The following RNF215 variants were observed in gnomAD, a reference collection of about 807,000 sequenced individuals.
RNF215 encodes ring finger protein 215.
Under a neutral mutation model 44.8 loss-of-function variants are expected in RNF215, and 41 were observed. That is an observed-to-expected ratio of 0.92 (90% CI 0.71 to 1.19). The LOEUF is 1.19. Among genes scored for constraint, RNF215 ranks in the 50% most tolerant of loss-of-function variants. The pLI, the probability that RNF215 is intolerant of heterozygous loss-of-function variation, is 0.00. For missense variants in RNF215, 452 were observed against 496.2 expected, an observed-to-expected ratio of 0.91 and a Z score of 0.85; for synonymous variants, 218 against 230.1, an observed-to-expected ratio of 0.95 and a Z score of 0.48.
Position 30,385,931 on chromosome 22 carries a change from A to C in RNF215, c.560T>G (p.Val187Gly). ...CAGCAATGCATCCAACAGCTTGGTG[A>C]CATTGGAGGAATAATGGAGGACGAT... ...PVIVLHYSSN[V>G]TKLLDALLQR... is the part of the protein sequence containing the mutation. Residue 187 changes from valine to glycine, a missense_variant, in exon 4 of 9, where the codon GTC becomes GGC. Transcript: ENST00000382363. 6.2e-7 allele frequency: 1 copy of C among 1,614,150 alleles called. No individual in the cohort carries two copies. The highest frequency in any genetic ancestry group is 8.5e-7 in the Non-Finnish European group (1 of 1,179,994).
In RNF215 at chr22:30,381,060, G is replaced by C. The variant is rs148384796; in HGVS notation, c.745-659C>G. Among the ~76,000 whole-genome samples, 689 of 152,282 alleles carry C rather than the reference G, an allele frequency of 4.5e-3. 24 individuals are homozygous for C. Among genetic ancestry groups the C allele is most frequent in the Admixed American group, 0.041 (628 of 15,300 alleles). ...CTCAGTGTCTGTGCCTTTCCACACT[G>C]TTCCCTGTCTTGGGAACCCTCTTCC... is the stretch of plus-strand genomic sequence containing the variant. On this transcript the variant is annotated intron_variant, in intron 5 of 8. Coordinates refer to ENST00000382363, the MANE Select transcript of RNF215 (RefSeq NM_001017981.2).
rs1213575795 is a variant in RNF215 at position 30,387,389 on chromosome 22, G to A, written c.-76C>T. ...GGGGGGGATCGGAGGGAGCGAGGCCGCTGCCGGACGGGGCGGGGCGCCGGG... is the reference window on the plus strand; with the variant it reads ...GGGGGGGATCGGAGGGAGCGAGGCCACTGCCGGACGGGGCGGGGCGCCGGG... On this transcript the variant is annotated 5_prime_UTR_variant, in exon 1 of 9. Transcript: ENST00000382363. 1.1e-5 allele frequency: 11 copies of A among 960,564 alleles called. No individual in the cohort carries two copies. The highest frequency in any genetic ancestry group is 1.9e-4 in the East Asian group (2 of 10,762). The allele number at this position is 960,564 out of a possible 1,614,324, so 59.5% of individuals were successfully genotyped here. A position where few individuals can be genotyped will look rare whatever the true frequency, so the allele number is the denominator to read the frequency against.
rs1191544372 is a variant in RNF215, at chr22:30,387,378, G to A, written c.-65C>T. Reference sequence around the variant, plus strand: ...GTCCCGGGCGCGGGGGGGATCGGAGGGAGCGAGGCCGCTGCCGGACGGGGC... The same window carrying A: ...GTCCCGGGCGCGGGGGGGATCGGAGAGAGCGAGGCCGCTGCCGGACGGGGC... On this transcript the variant is annotated 5_prime_UTR_variant, in exon 1 of 9. Coordinates refer to ENST00000382363, the MANE Select transcript of RNF215 (RefSeq NM_001017981.2). 32 of 1,011,674 alleles carry A rather than the reference G, an allele frequency of 3.2e-5. No homozygotes were observed. In the East Asian group the frequency reaches 2.6e-3, roughly 83 times the overall value. The allele number at this position is 1,011,674 out of a possible 1,614,324, so 62.7% of individuals were successfully genotyped here. A position where few individuals can be genotyped will look rare whatever the true frequency, so the allele number is the denominator to read the frequency against.
At position 30,379,551 on chromosome 22, in the gene RNF215, G is replaced by A. The variant is rs1254733091; in HGVS notation, c.*49C>T. 1.3e-6 allele frequency: 2 copies of A among 1,545,668 alleles called. No homozygotes were observed. Among genetic ancestry groups the A allele is most frequent in the Non-Finnish European group, 1.7e-6 (2 of 1,146,022 alleles). The stretch of plus-strand genomic sequence containing the variant: ...CCTGGGAGCCCAGGCTGAGGACCGG[G>A]GTGCAGGCAGGAAGGGTCCATCCCC... On this transcript the variant is annotated 3_prime_UTR_variant, in exon 9 of 9. Transcript: ENST00000382363.
In RNF215 at chr22:30,381,898, C is replaced by T. The variant is rs144586466; in HGVS notation, c.745-1497G>A. On this transcript the variant is annotated intron_variant, in intron 5 of 8. Transcript: ENST00000382363. ...TAGGAAGCTGTCCCCAAGCTCCAGGCTGAGTGCCTTTATCATGCCCTAGAG... is the reference window on the plus strand; with the variant it reads ...TAGGAAGCTGTCCCCAAGCTCCAGGTTGAGTGCCTTTATCATGCCCTAGAG... 9.2e-4 allele frequency among the ~76,000 whole-genome samples: 140 copies of T among 152,292 alleles called. 2 individuals carry two copies. Among genetic ancestry groups the T allele is most frequent in the African/African-American group, 3.2e-3 (134 of 41,580 alleles).
chr22:30,382,390 G>A (rs1029511209), intron 5 of RNF215, among the ~76,000 whole-genome samples: 1 of 147,578 alleles, frequency 6.8e-6, no homozygotes, highest in Non-Finnish European at 1.5e-5. Context: ...GGCAACAAGA[G>A]CGAAACTCTG....
intron 5 of RNF215, among the ~76,000 whole-genome samples, 166 bp downstream of exon 5, chr22:30,384,173 G>A (rs549524725): frequency 1.0e-3 from 159 of 152,236 alleles, no homozygotes; most frequent in African/African-American, 3.6e-3. Context: ...CCAACTGAGC[G>A]CCCACCTACA....
intron 5 of RNF215, among the ~76,000 whole-genome samples, chr22:30,383,003 G>C (rs916752886): frequency 6.6e-6 from 1 of 152,190 alleles, no homozygotes; most frequent in Non-Finnish European, 1.5e-5. Flanking sequence ...TTGGGGGACT[G>C]AGGTGGCAGG....
chr22:30,382,346 G>C (rs1366611099), intron 5 of RNF215, among the ~76,000 whole-genome samples: 1 of 151,612 alleles, frequency 6.6e-6, no homozygotes, highest in East Asian at 1.9e-4. Context: ...GGAGGCTGTG[G>C]TGAGCCGAGA....
chr22:30,380,432 G>T lies in RNF215; in HGVS notation c.745-31C>A. The T allele has an allele frequency of 6.3e-7, 1 of 1,576,374 alleles. No homozygotes were observed. The highest frequency in any genetic ancestry group is 1.2e-5 in the South Asian group (1 of 86,000). On this transcript the variant is annotated intron_variant, in intron 5 of 8. Coordinates refer to ENST00000382363, the MANE Select transcript of RNF215 (RefSeq NM_001017981.2). This position sits in a 1 kb window ranked among gnomAD's most constrained non-coding sequence, Gnocchi z 5.3. ...GAGGGAAGCAGTCATCAGGGACATGGGGCCACCCCCACACGCCTCCCTTAG... is the reference window on the plus strand; with the variant it reads ...GAGGGAAGCAGTCATCAGGGACATGTGGCCACCCCCACACGCCTCCCTTAG...
At chr22:30,379,662 G>A in intron 8 of RNF215, 40 bp from the exon 9 acceptor site, 3 of 1,552,240 alleles carry the variant, frequency 1.9e-6, no homozygotes, top group Non-Finnish European at 2.6e-6. Flanking sequence ...AGAGGCATCA[G>A]GTGAGGAGCA....
chr22:30,386,726 C>T lies in RNF215; in HGVS notation c.319G>A (p.Val107Met), dbSNP rs1569200046. ...DIVDAEQEAP[V>M]EGWIAVAYVG... The stretch of plus-strand genomic sequence containing the variant: ...TATGCCACTGCAATCCAGCCTTCCA[C>T]TGGTGCCTCCTGCTCGGCATCCACG... Residue 107 changes from valine (V) to methionine (M), a missense_variant, in exon 2 of 9, where the codon GTG becomes ATG. Val to Met is a conservative substitution (Grantham distance 21). Coordinates refer to ENST00000382363, the MANE Select transcript of RNF215 (RefSeq NM_001017981.2). 1.2e-6 allele frequency: 2 copies of T among 1,609,346 alleles called. No individual in the cohort carries two copies. Among genetic ancestry groups the T allele is most frequent in the Middle Eastern group, 1.6e-4 (1 of 6,062 alleles).
chr22:30,384,545 G>A (rs1198046866), intron 4 of RNF215, 50 bp from the exon 5 acceptor site: 9 of 1,561,040 alleles, frequency 5.8e-6, no homozygotes, highest in African/African-American at 2.7e-5. Flanking sequence ...TGGGAAGGGA[G>A]GCCCAGACCC....
Position 30,387,086 on chromosome 22 carries a change from G to A in RNF215, c.228C>T (p.Gly76=). Residue 76 remains glycine, a synonymous_variant, in exon 1 of 9, where the codon GGC becomes GGT. Transcript: ENST00000382363. The part of the protein sequence containing the change: ...LPRQDALVLE[G]VRIGSEADPA... ...GGTCGGCTTCGGAGCCGATCCTGACGCCCTCCAGGACCAGAGCGTCCTGGC... is the reference window on the plus strand; with the variant it reads ...GGTCGGCTTCGGAGCCGATCCTGACACCCTCCAGGACCAGAGCGTCCTGGC... The A allele has an allele frequency of 5.2e-6, 8 of 1,539,028 alleles. No homozygotes were observed. The South Asian group carries it at 9.5e-5, about 18-fold the overall frequency.
intron 7 of RNF215, 66 bp from the exon 8 acceptor site, chr22:30,379,879 C>T: frequency 6.6e-7 from 1 of 1,523,526 alleles, no homozygotes; most frequent in South Asian, 1.1e-5. Flanking sequence ...GTGCCTGGTC[C>T]CATGCCCCTC....
At chr22:30,386,236 G>T in intron 2 of RNF215, 95 bp from the exon 3 acceptor site, 1 of 1,209,564 alleles carries the variant, frequency 8.3e-7, no homozygotes, top group Non-Finnish European at 1.2e-6. Context: ...TCCTGGCCCT[G>T]CAGTGAGCAA....
At chr22:30,384,197 C>T in intron 5 of RNF215, 142 bp downstream of exon 5, 7 of 868,286 alleles carry the variant, frequency 8.1e-6, no homozygotes, top group Non-Finnish European at 1.1e-5. Flanking sequence ...TGTCTCTGAA[C>T]ACTCACAGCA....
chr22:30,379,990 T>C, intron 7 of RNF215, 72 bp downstream of exon 7: 2 of 1,596,626 alleles, frequency 1.3e-6, no homozygotes, highest in Non-Finnish European at 1.7e-6. Context: ...TGGTGGTGGT[T>C]CCAAGGTCCC....
intron 4 of RNF215, among the ~76,000 whole-genome samples, chr22:30,385,421 C>CAAAA (rs917390932): frequency 1.3e-4 from 7 of 53,026 alleles, no homozygotes; most frequent in Non-Finnish European, 2.4e-4. Context: ...AACTCCATCT[C>CAAAA]AAAAAAAAAA....
Sources: gnomAD v4.1 joint callset for allele counts (sites outside exome capture counted in the v4.1 genomes callset) on GRCh38, gnomAD v4.1.1 for gene constraint, Gnocchi (gnomAD v3.1) non-coding constraint, MANE v1.5 for transcripts, NCBI Gene and HGNC (gene_info 2026-07-23, HGNC 2026-07-21) for gene names.